The following NREP variants were observed in gnomAD, a reference collection of about 807,000 sequenced individuals.
NREP encodes the protein neuronal regeneration related protein.
Under a neutral mutation model 8.6 loss-of-function variants are expected in NREP, and 5 were observed. The observed-to-expected ratio is 0.58, with a 90% CI of 0.30 to 1.22. The LOEUF (loss-of-function observed/expected upper bound fraction) is 1.22. NREP is among the 50% of genes most tolerant of loss of function. NREP has a pLI of 0.07. For missense variants in NREP, 86 were observed against 82.5 expected (o/e 1.04, Z -0.17); for synonymous variants, 27 against 28.0 (o/e 0.96, Z 0.11).
At chr5:111,849,753 A>G (rs773819691) in intron 2 of NREP, among the ~76,000 whole-genome samples, 222 of 152,280 alleles carry the variant, frequency 1.5e-3, no homozygotes, top group African/African-American at 5.1e-3. Context: ...GCTGAAATAT[A>G]CATTTTCTAG....
chr5:111,847,887 A>G (rs1203812440), intron 2 of NREP, among the ~76,000 whole-genome samples: 1 of 152,218 alleles, frequency 6.6e-6, no homozygotes. Flanking sequence ...GGGAAATGGT[A>G]CATGTCTTCT....
intron 2 of NREP, among the ~76,000 whole-genome samples, chr5:111,965,092 C>G (rs149197419): frequency 2.0e-5 from 3 of 151,846 alleles, no homozygotes; most frequent in African/African-American, 7.3e-5. Context: ...CAGGCCAGGC[C>G]CCTCATAATC....
intron 2 of NREP, among the ~76,000 whole-genome samples, chr5:111,914,615 C>A (rs1210865616): frequency 6.6e-6 from 1 of 152,064 alleles, no homozygotes; most frequent in Non-Finnish European, 1.5e-5. Context: ...ACCCTGTCTC[C>A]TTTTTTCGTT....
At chr5:111,898,227 GA>G (rs1754559621) in intron 2 of NREP, among the ~76,000 whole-genome samples, 1 of 152,114 alleles carries the variant, frequency 6.6e-6, no homozygotes, top group Non-Finnish European at 1.5e-5. Context: ...GTAGAAGCAG[GA>G]AAATATGGAA....
At chr5:111,800,802 C>G (rs13160873) in intron 2 of NREP, among the ~76,000 whole-genome samples, 52,266 of 152,030 alleles carry the variant, frequency 0.34, 9,537 homozygotes, top group East Asian at 0.64. Flanking sequence ...ATTGCAAAAA[C>G]AGAAATCTCA....
At chr5:111,884,609 CA>C (rs1408149376) in intron 2 of NREP, among the ~76,000 whole-genome samples, 2 of 152,160 alleles carry the variant, frequency 1.3e-5, no homozygotes, top group Non-Finnish European at 2.9e-5. Flanking sequence ...AGCAGCACAT[CA>C]AAAAGCTTAT....
chr5:111,741,642 G>A (rs1272310753), intron 2 of NREP, among the ~76,000 whole-genome samples: 1 of 152,078 alleles, frequency 6.6e-6, no homozygotes, highest in Non-Finnish European at 1.5e-5. Flanking sequence ...GCACACAGTG[G>A]GGAAAACACG....
At chr5:111,926,583 C>T (rs1016044901) in intron 2 of NREP, among the ~76,000 whole-genome samples, 1 of 152,078 alleles carries the variant, frequency 6.6e-6, no homozygotes, top group Admixed American at 6.5e-5. Flanking sequence ...CTGGTAAGGC[C>T]GCCCCCTTGT....
At chr5:111,737,727 A>C (rs546205529) in intron 2 of NREP, among the ~76,000 whole-genome samples, 5 of 143,410 alleles carry the variant, frequency 3.5e-5, no homozygotes, top group Admixed American at 3.5e-4. Context: ...AAAAAAAAAA[A>C]AACAAAAACA....
intron 2 of NREP, among the ~76,000 whole-genome samples, chr5:111,910,265 G>A (rs1038549505): frequency 2.6e-5 from 4 of 151,930 alleles, no homozygotes; most frequent in East Asian, 1.9e-4. Context: ...AGTCTTTGAC[G>A]TGGAAGCATT....
chr5:111,831,144 A>G (rs954106077), intron 2 of NREP, among the ~76,000 whole-genome samples: 1 of 152,100 alleles, frequency 6.6e-6, no homozygotes, highest in African/African-American at 2.4e-5. Flanking sequence ...GGCAAAGGGA[A>G]CCTTTACTGA....
At chr5:111,901,700 T>C (rs1754650851) in intron 2 of NREP, among the ~76,000 whole-genome samples, 1 of 152,078 alleles carries the variant, frequency 6.6e-6, no homozygotes, top group South Asian at 2.1e-4. Context: ...CCCCATTTAC[T>C]AGAGCTACAA....
chr5:111,894,135 C>T (rs1202117050), intron 2 of NREP, among the ~76,000 whole-genome samples: 1 of 152,008 alleles, frequency 6.6e-6, no homozygotes, highest in Admixed American at 6.6e-5. Flanking sequence ...AGGAGAATTT[C>T]CTGAACCCAG....
At chr5:111,878,244 A>G (rs1031693575) in intron 2 of NREP, among the ~76,000 whole-genome samples, 4 of 152,230 alleles carry the variant, frequency 2.6e-5, no homozygotes, top group Admixed American at 6.5e-5. Context: ...TCTCATTGCT[A>G]TAACTGCCCA....
At chr5:111,845,267 C>A (rs1436326525) in intron 2 of NREP, among the ~76,000 whole-genome samples, 2 of 129,808 alleles carry the variant, frequency 1.5e-5, no homozygotes. Flanking sequence ...TTCTACCTCA[C>A]TCAATGCATC....
intron 2 of NREP, among the ~76,000 whole-genome samples, chr5:111,809,674 C>T (rs1752224546): frequency 6.6e-6 from 1 of 152,240 alleles, no homozygotes; most frequent in South Asian, 2.1e-4. Flanking sequence ...CACAGTAAGC[C>T]CTCACCAGAA....
At chr5:111,788,845 C>T (rs1581118675) in intron 2 of NREP, among the ~76,000 whole-genome samples, 1 of 152,208 alleles carries the variant, frequency 6.6e-6, no homozygotes, top group African/African-American at 2.4e-5. Context: ...AAGCAGATTG[C>T]CTTCCCTAAT....
intron 2 of NREP, among the ~76,000 whole-genome samples, chr5:111,753,487 TA>T (rs1286589763): frequency 6.6e-6 from 1 of 151,578 alleles, no homozygotes; most frequent in African/African-American, 2.4e-5. Flanking sequence ...TTTAGATACG[TA>T]AAAAGTCTAG....
intron 2 of NREP, among the ~76,000 whole-genome samples, chr5:111,837,257 G>A (rs1752917915): frequency 6.6e-6 from 1 of 151,968 alleles, no homozygotes; most frequent in Non-Finnish European, 1.5e-5. Context: ...GATCCAGGTA[G>A]GGAAGATACA....
Sources: allele counts gnomAD v4.1 joint callset (sites outside exome capture counted in the v4.1 genomes callset), GRCh38; gene constraint gnomAD v4.1.1; transcripts MANE v1.5; gene names NCBI Gene and HGNC (gene_info 2026-07-23, HGNC 2026-07-21).